The following ITGA1 variants were observed in gnomAD, a reference collection of about 807,000 sequenced individuals.
ITGA1 encodes integrin alpha-1.
In ITGA1, 85 loss-of-function variants were observed where a neutral mutation model predicts 145.9. The observed-to-expected ratio is 0.58, with a 90% CI of 0.49 to 0.70. The LOEUF (loss-of-function observed/expected upper bound fraction) is 0.70. Among genes scored for constraint, ITGA1 ranks in the 30% least tolerant of loss-of-function variants. ITGA1 has a pLI of 0.00. For synonymous variants in ITGA1, 520 were observed against 495.3 expected (o/e 1.05, Z -0.66); for missense variants, 1,351 against 1,418.7 (o/e 0.95, Z 0.77).
At chr5:52,885,962 A>G (rs902912938) in intron 7 of ITGA1, among the ~76,000 whole-genome samples, 2 of 152,246 alleles carry the variant, frequency 1.3e-5, no homozygotes, top group Non-Finnish European at 2.9e-5. Flanking sequence ...TTGCCTATAA[A>G]TTCAATTCTT....
intron 1 of ITGA1, among the ~76,000 whole-genome samples, chr5:52,805,625 G>A (rs1364553170): frequency 6.6e-6 from 1 of 152,068 alleles, no homozygotes; most frequent in Admixed American, 6.6e-5. Context: ...AAAAAAAAAT[G>A]TTTTATGCAG....
At chr5:52,858,128 G>T (rs1376214423) in intron 2 of ITGA1, among the ~76,000 whole-genome samples, 1 of 151,992 alleles carries the variant, frequency 6.6e-6, no homozygotes, top group Non-Finnish European at 1.5e-5. Flanking sequence ...CTCTAATTTT[G>T]TTCCTCTTCA....
At position 52,832,785 on chromosome 5, in the gene ITGA1, G is replaced by GTC. The variant is rs1554042272; in HGVS notation, c.62-16579_62-16578insCT. ...TAAATCTGTGTGTGTGTGTGTGTGT[G>GTC]TGTGTGTGTGTGTGTGTGTGTGTGT... On this transcript the variant is annotated intron_variant, in intron 1 of 28. Coordinates refer to ENST00000282588, the MANE Select transcript of ITGA1 (RefSeq NM_181501.2). Among the ~76,000 whole-genome samples the GTC allele has an allele frequency of 4.2e-4, 61 of 145,644 alleles. 1 individual carries two copies. Among genetic ancestry groups the GTC allele is most frequent in the South Asian group, 8.9e-4 (4 of 4,510 alleles).
intron 1 of ITGA1, among the ~76,000 whole-genome samples, chr5:52,805,753 C>T (rs1748579418): frequency 6.6e-6 from 1 of 152,036 alleles, no homozygotes; most frequent in African/African-American, 2.4e-5. Flanking sequence ...TTGTGCTCCC[C>T]ATCTTAACAT....
At chr5:52,824,899 G>A (rs1355553324) in intron 1 of ITGA1, 4 of 152,096 alleles carry the variant, frequency 2.6e-5, no homozygotes, top group Non-Finnish European at 4.4e-5. Flanking sequence ...GCCTATTATT[G>A]TATGATTAAG....
intron 6 of ITGA1, among the ~76,000 whole-genome samples, chr5:52,866,512 A>G (rs969917092): frequency 1.3e-5 from 2 of 152,192 alleles, no homozygotes; most frequent in African/African-American, 4.8e-5. Context: ...AACCCATCAC[A>G]TTATAATCTC....
rs1229947588 is a variant in ITGA1, at chr5:52,798,628, AAT to A, written c.61+10216_61+10217del. Among the ~76,000 whole-genome samples the A allele has an allele frequency of 1.1e-4, 17 of 152,286 alleles. No homozygotes were observed. In the South Asian group the frequency reaches 3.5e-3, roughly 32 times the overall value. On this transcript the variant is annotated intron_variant, in intron 1 of 28. Transcript: ENST00000282588. Reference sequence around the variant, plus strand: ...TCATGTGAGAGGGTAGCAGGGGGAAAATAGTCATTCATGCCTCTGTCTGGCTT... The same window carrying A: ...TCATGTGAGAGGGTAGCAGGGGGAAAAGTCATTCATGCCTCTGTCTGGCTT...
chr5:52,911,020 T>C (rs1389246452), intron 14 of ITGA1, among the ~76,000 whole-genome samples: 1 of 99,822 alleles, frequency 1.0e-5, no homozygotes, highest in East Asian at 2.5e-4. Context: ...ATATACTATA[T>C]ATAGTATGTA....
At chr5:52,932,161 T>C in intron 22 of ITGA1, 25 bp downstream of exon 22, 1 of 1,379,496 alleles carries the variant, frequency 7.2e-7, no homozygotes, top group Non-Finnish European at 1.0e-6. Flanking sequence ...CATTTTTATG[T>C]GGATGCCTTT....
rs58090129 is a variant in ITGA1 at position 52,955,346 on chromosome 5, CAGATAGATAGATAGATAGATAGATAGAT to C, written c.*2917_*2944del. On this transcript the variant is annotated 3_prime_UTR_variant, in exon 29 of 29. Coordinates refer to ENST00000282588, the MANE Select transcript of ITGA1 (RefSeq NM_181501.2). ...CCACTGAGACAGATTACACGATAGA[CAGATAGATAGATAGATAGATAGATAGAT>C]AGATAGATAGATAGATAGATATTGA... 4.7e-5 allele frequency: 7 copies of C among 148,236 alleles called. No individual in the cohort carries two copies. Among genetic ancestry groups the C allele is most frequent in the African/African-American group, 1.7e-4 (7 of 40,158 alleles). The allele number at this position is 148,236 out of a possible 1,614,324, so 9.2% of individuals were successfully genotyped here.
At chr5:52,813,329 T>C (rs888251230) in intron 1 of ITGA1, among the ~76,000 whole-genome samples, 3 of 152,228 alleles carry the variant, frequency 2.0e-5, no homozygotes, top group Non-Finnish European at 2.9e-5. Flanking sequence ...ATCATCTTAC[T>C]TCCTATGGTA....
chr5:52,936,374 G>T (rs1405435190), intron 23 of ITGA1, among the ~76,000 whole-genome samples: 2 of 152,172 alleles, frequency 1.3e-5, no homozygotes, highest in Non-Finnish European at 1.5e-5. Flanking sequence ...AGGTGCAGCT[G>T]GTCAGGAACC....
intron 2 of ITGA1, 53 bp from the exon 3 acceptor site, chr5:52,861,394 T>C (rs1749598082): frequency 1.9e-6 from 2 of 1,063,004 alleles, no homozygotes; most frequent in Admixed American, 1.8e-5. Context: ...AAACAACTCA[T>C]ATAAACTGTT....
intron 1 of ITGA1, among the ~76,000 whole-genome samples, chr5:52,805,448 G>C (rs570694561): frequency 1.7e-4 from 26 of 152,046 alleles, no homozygotes; most frequent in Non-Finnish European, 3.2e-4. Context: ...CCTTGCAATA[G>C]GAATGAACAG....
chr5:52,818,500 G>T (rs1040115244), intron 1 of ITGA1, among the ~76,000 whole-genome samples: 1 of 152,200 alleles, frequency 6.6e-6, no homozygotes, highest in African/African-American at 2.4e-5. Context: ...TGTGTTATAA[G>T]GAATTTCCTG....
chr5:52,866,376 GA>G (rs1404812965), intron 6 of ITGA1, among the ~76,000 whole-genome samples: 1 of 152,036 alleles, frequency 6.6e-6, no homozygotes, highest in African/African-American at 2.4e-5. Flanking sequence ...TAATGCACTT[GA>G]AAAATAACTC....
intron 1 of ITGA1, among the ~76,000 whole-genome samples, chr5:52,836,451 C>A (rs570193648): frequency 6.6e-6 from 1 of 152,242 alleles, no homozygotes; most frequent in Non-Finnish European, 1.5e-5. Context: ...AATATAGTGC[C>A]AATTTGATTT....
chr5:52,918,680 A>G, intron 15 of ITGA1, 52 bp from the exon 16 acceptor site: 1 of 1,561,306 alleles, frequency 6.4e-7, no homozygotes, highest in Non-Finnish European at 8.7e-7. Flanking sequence ...CAAGTTGATG[A>G]CATTCATTAA....
chr5:52,923,591 T>G (rs1254338687), intron 18 of ITGA1, among the ~76,000 whole-genome samples: 1 of 152,196 alleles, frequency 6.6e-6, no homozygotes, highest in Non-Finnish European at 1.5e-5. Flanking sequence ...TTGAAACCCA[T>G]GCACACATAA....
Sources: allele counts gnomAD v4.1 joint callset (sites outside exome capture counted in the v4.1 genomes callset), GRCh38; gene constraint gnomAD v4.1.1; transcripts MANE v1.5; gene names NCBI Gene and HGNC (gene_info 2026-07-23, HGNC 2026-07-21).